CACNG2: variants seen among roughly 807,000 people sequenced by gnomAD.
CACNG2 encodes voltage-dependent calcium channel gamma-2 subunit.
Under a neutral mutation model 25.9 loss-of-function variants are expected in CACNG2, and 3 were observed. That is an observed-to-expected ratio of 0.12 (90% CI 0.05 to 0.30). CACNG2 has a LOEUF of 0.30. Among genes scored for constraint, CACNG2 ranks in the 10% least tolerant of loss-of-function variants. The pLI is 1.00. For synonymous variants in CACNG2, 167 were observed against 173.3 expected, an observed-to-expected ratio of 0.96 and a Z score of 0.29; for missense variants, 341 against 432.5, an observed-to-expected ratio of 0.79 and a Z score of 1.88.
intron 1 of CACNG2, among the ~76,000 whole-genome samples, chr22:36,628,620 A>G (rs1457056979): frequency 1.3e-5 from 2 of 152,250 alleles, no homozygotes; most frequent in African/African-American, 4.8e-5. Flanking sequence ...GGTTCCATGG[A>G]TGTGTGCCAT....
At chr22:36,657,123 C>T (rs914117393) in intron 1 of CACNG2, among the ~76,000 whole-genome samples, 2 of 152,190 alleles carry the variant, frequency 1.3e-5, no homozygotes, top group African/African-American at 4.8e-5. Context: ...CATGTGGCAC[C>T]TGCCTCAGTC....
chr22:36,698,178 C>T (rs1470163086), intron 1 of CACNG2, among the ~76,000 whole-genome samples: 1 of 152,168 alleles, frequency 6.6e-6, no homozygotes, highest in Non-Finnish European at 1.5e-5. Flanking sequence ...CGCCCTCTCT[C>T]CCCACTCTCC....
At chr22:36,575,280 G>A (rs1935294553) in intron 2 of CACNG2, among the ~76,000 whole-genome samples, 1 of 152,178 alleles carries the variant, frequency 6.6e-6, no homozygotes, top group East Asian at 1.9e-4. Flanking sequence ...GGAGGCAAGC[G>A]ACATCTTGCC....
chr22:36,703,675 CT>C lies in CACNG2; in HGVS notation c.-1100del, dbSNP rs1198047708. On this transcript the variant is annotated 5_prime_UTR_variant, in exon 1 of 4. Coordinates refer to ENST00000300105, the MANE Select transcript of CACNG2 (RefSeq NM_006078.5). ...GCGCAGAGCGGGGGCCGCCTTTCCT[CT>C]TTTTACCCCTCTCCCAAATCCTAAA... 1.3e-5 allele frequency: 2 copies of C among 152,204 alleles called. No homozygotes were observed. The highest frequency in any genetic ancestry group is 4.8e-5 in the African/African-American group (2 of 41,416). 9.4% of individuals were successfully genotyped at this position (152,204 alleles called of 1,614,324 possible).
At chr22:36,624,089 G>A (rs1017310998) in intron 1 of CACNG2, among the ~76,000 whole-genome samples, 2 of 152,266 alleles carry the variant, frequency 1.3e-5, no homozygotes, top group Admixed American at 6.5e-5. Flanking sequence ...CCCAAGAGAG[G>A]GGACCTTGTT....
Position 36,572,522 on chromosome 22 carries a change from C to T in CACNG2, c.296-6029G>A, listed in dbSNP as rs936093838. ...TTCGAGACCAGCATGGCCAATATGGCGAAACCCCATCTCTACTAAAAATAC... is the reference window on the plus strand; with the variant it reads ...TTCGAGACCAGCATGGCCAATATGGTGAAACCCCATCTCTACTAAAAATAC... On this transcript the variant is annotated intron_variant, in intron 2 of 3. Coordinates refer to ENST00000300105, the MANE Select transcript of CACNG2 (RefSeq NM_006078.5). 4.6e-5 allele frequency among the ~76,000 whole-genome samples: 7 copies of T among 152,090 alleles called. No individual in the cohort carries two copies. The South Asian group carries it at 1.5e-3, about 32-fold the overall frequency.
chr22:36,690,465 T>C (rs1161697382), intron 1 of CACNG2, among the ~76,000 whole-genome samples: 3 of 152,218 alleles, frequency 2.0e-5, no homozygotes, highest in Admixed American at 1.3e-4. Flanking sequence ...CCTTTGCAAC[T>C]GCTAGCGTCA....
At position 36,702,530 on chromosome 22, in the gene CACNG2, C is replaced by G. The variant is rs2146024506; in HGVS notation, c.47G>C (p.Gly16Ala). ...RGVQMLLTTV[G>A]AFAAFSLMTI... Reference sequence around the variant, plus strand: ...CATCAGGCTGAAGGCAGCGAAAGCACCAACGGTGGTTAAAAGCATTTGAAC... The same window carrying G: ...CATCAGGCTGAAGGCAGCGAAAGCAGCAACGGTGGTTAAAAGCATTTGAAC... Residue 16 changes from glycine (G) to alanine (A), a missense_variant, in exon 1 of 4, where the codon GGT becomes GCT. By Grantham distance (60) the Gly-to-Ala change is moderately conservative. This residue lies in a region of CACNG2 where 169 missense variants were observed against 254.4 expected (regional missense o/e 0.66). Transcript: ENST00000300105. 1.2e-6 allele frequency: 2 copies of G among 1,614,120 alleles called. No individual in the cohort carries two copies. Among genetic ancestry groups the G allele is most frequent in the East Asian group, 2.2e-5 (1 of 44,886 alleles).
chr22:36,628,815 C>T (rs1256731197), intron 1 of CACNG2, among the ~76,000 whole-genome samples: 1 of 151,928 alleles, frequency 6.6e-6, no homozygotes, highest in Non-Finnish European at 1.5e-5. Context: ...GTAAAGACAA[C>T]AATAAAAGCC....
chr22:36,645,141 C>G (rs1936499408), intron 1 of CACNG2, among the ~76,000 whole-genome samples: 1 of 152,206 alleles, frequency 6.6e-6, no homozygotes, highest in African/African-American at 2.4e-5. Flanking sequence ...CCAGAGGTGA[C>G]AGCGAGTCAG....
intron 2 of CACNG2, among the ~76,000 whole-genome samples, chr22:36,577,197 T>A (rs979728413): frequency 6.6e-6 from 1 of 152,222 alleles, no homozygotes; most frequent in African/African-American, 2.4e-5. Context: ...ATGTCTGGTA[T>A]GCGAGGAGCA....
chr22:36,616,805 A>G (rs935189856), intron 1 of CACNG2, among the ~76,000 whole-genome samples: 1 of 152,162 alleles, frequency 6.6e-6, no homozygotes, highest in African/African-American at 2.4e-5. Flanking sequence ...TGCCTCCTTT[A>G]TGAAGTCTTT....
At chr22:36,608,427 G>A (rs886500138) in intron 1 of CACNG2, among the ~76,000 whole-genome samples, 1 of 152,154 alleles carries the variant, frequency 6.6e-6, no homozygotes, top group East Asian at 1.9e-4. Context: ...GAATTGCATC[G>A]AGGACAGGGA....
At chr22:36,605,221 C>T (rs1935812758) in intron 1 of CACNG2, among the ~76,000 whole-genome samples, 2 of 152,120 alleles carry the variant, frequency 1.3e-5, no homozygotes, top group Admixed American at 1.3e-4. Flanking sequence ...ACTATAGGTG[C>T]CCACCACCAT....
intron 2 of CACNG2, among the ~76,000 whole-genome samples, chr22:36,571,515 C>T (rs1935223912): frequency 6.6e-6 from 1 of 151,774 alleles, no homozygotes; most frequent in African/African-American, 2.4e-5. Flanking sequence ...GAGTCATAAT[C>T]TCCATTTTAA....
At chr22:36,627,322 A>G (rs1047424872) in intron 1 of CACNG2, among the ~76,000 whole-genome samples, 13 of 102,252 alleles carry the variant, frequency 1.3e-4, no homozygotes, top group African/African-American at 4.1e-4. Flanking sequence ...GTGTGTGTGT[A>G]GAGGGAGAGA....
rs535185224 is a variant in CACNG2 at position 36,636,581 on chromosome 22, A to G, written c.212-49033T>C. On this transcript the variant is annotated intron_variant, in intron 1 of 3. Transcript: ENST00000300105. ...TTGAACTGTACATCATAGATCTGATATTGAATTTGAATCAGGACTAGCCAT... is the reference window on the plus strand; with the variant it reads ...TTGAACTGTACATCATAGATCTGATGTTGAATTTGAATCAGGACTAGCCAT... Among the ~76,000 whole-genome samples the G allele has an allele frequency of 2.6e-5, 4 of 152,318 alleles. No individual in the cohort carries two copies. The East Asian group carries it at 7.7e-4, about 29-fold the overall frequency.
intron 1 of CACNG2, among the ~76,000 whole-genome samples, chr22:36,689,911 C>G (rs1937247574): frequency 6.6e-6 from 1 of 152,264 alleles, no homozygotes; most frequent in Non-Finnish European, 1.5e-5. Context: ...TTAAAAGCAA[C>G]AACTCACCCT....
At chr22:36,573,539 C>T (rs1569016897) in intron 2 of CACNG2, among the ~76,000 whole-genome samples, 1 of 152,142 alleles carries the variant, frequency 6.6e-6, no homozygotes, top group South Asian at 2.1e-4. Context: ...ACCATGTTGG[C>T]CAGCCTGGTC....
Sources: gnomAD v4.1 joint callset for allele counts (sites outside exome capture counted in the v4.1 genomes callset) on GRCh38, gnomAD v4.1.1 for gene constraint, gnomAD v4.1.1 regional missense constraint, MANE v1.5 for transcripts, NCBI Gene and HGNC (gene_info 2026-07-23, HGNC 2026-07-21) for gene names.